TMEM63A: variants seen among roughly 807,000 people sequenced by gnomAD.
TMEM63A encodes transmembrane protein 63A, also known as mechanosensitive cation channel TMEM63A.
A neutral mutation model predicts 100.6 loss-of-function variants in TMEM63A; 76 were observed. That is an observed-to-expected ratio of 0.76 (90% CI 0.63 to 0.91). The LOEUF (loss-of-function observed/expected upper bound fraction) is 0.91, where lower values mean the gene tolerates loss of function less well. Among genes scored for constraint, TMEM63A ranks in the 40% least tolerant of loss-of-function variants. The pLI is 0.00. For missense variants in TMEM63A, 876 were observed against 1,008.8 expected (o/e 0.87, Z 1.78); for synonymous variants, 401 against 401.1 (o/e 1.00, Z 0.00).
Position 225,882,359 on chromosome 1 carries a change from T to C in TMEM63A, c.-261A>G, listed in dbSNP as rs1452792888. 2 of 152,490 alleles carry C rather than the reference T, an allele frequency of 1.3e-5. No individual in the cohort carries two copies. The highest frequency in any genetic ancestry group is 2.4e-5 in the African/African-American group (1 of 41,468). The allele number at this position is 152,490 out of a possible 1,614,324, so 9.4% of individuals were successfully genotyped here. A position where few individuals can be genotyped will look rare whatever the true frequency, so the allele number is the denominator to read the frequency against. On this transcript the variant is annotated 5_prime_UTR_variant, in exon 1 of 25. Coordinates refer to ENST00000366835, the MANE Select transcript of TMEM63A (RefSeq NM_014698.3). The stretch of plus-strand genomic sequence containing the variant: ...GCAGCGCGGGGCGTGTTCCGACCAC[T>C]TAAAAGTTACAAAGTGAAACTCCGG...
At chr1:225,847,359 G>A (rs1669066449) in intron 23 of TMEM63A, 146 bp from the exon 24 acceptor site, 6 of 1,014,436 alleles carry the variant, frequency 5.9e-6, no homozygotes, top group Non-Finnish European at 8.4e-6. Flanking sequence ...AGGACATTAA[G>A]ACCGAAAATA....
At position 225,849,948 on chromosome 1, in the gene TMEM63A, G is replaced by A; in HGVS notation, c.2035C>T (p.Leu679Phe). ...AAGGAAAAGAAGTAGAGCCAGAAGA[G>A]GCACAGGATGGGGGCTGCCAAGGCC... ...NQALAAPILC[L>F]FWLYFFSFLR... Residue 679 changes from leucine to phenylalanine, a missense_variant, in exon 21 of 25, where the codon CTC (leucine) becomes TTC (phenylalanine). Physicochemically the swap from Leu to Phe is conservative, Grantham distance 22 (BLOSUM62 0). Transcript: ENST00000366835. 1 of 1,614,224 alleles carries A rather than the reference G, an allele frequency of 6.2e-7. No individual in the cohort carries two copies. The highest frequency in any genetic ancestry group is 2.2e-5 in the East Asian group (1 of 44,892).
At position 225,865,509 on chromosome 1, in the gene TMEM63A, C is replaced by G. The variant is rs906557197; in HGVS notation, c.746+388G>C. ...CCGAGGTCCTTCCACCTGTGAGACC[C>G]TAGCCCTGTGGGTCCATACAAATGC... On this transcript the variant is annotated intron_variant, in intron 10 of 24. Transcript: ENST00000366835. This position sits in a 1 kb window ranked among gnomAD's most constrained non-coding sequence, Gnocchi z 4.6. The G allele has an allele frequency of 5.6e-6, 1 of 178,322 alleles. No homozygotes were observed. Among genetic ancestry groups the G allele is most frequent in the Middle Eastern group, 2.8e-3 (1 of 352 alleles). The allele number at this position is 178,322 out of a possible 1,614,324, so 11.0% of individuals were successfully genotyped here.
chr1:225,877,754 C>A (rs1384875579), intron 2 of TMEM63A, 160 bp from the exon 3 acceptor site: 9 of 626,110 alleles, frequency 1.4e-5, no homozygotes, highest in Admixed American at 6.1e-5. Context: ...TGGACCTCTG[C>A]GTGCCTGGCA....
At chr1:225,852,520 C>A (rs1410432442) in intron 20 of TMEM63A, 144 bp downstream of exon 20, 5 of 700,242 alleles carry the variant, frequency 7.1e-6, no homozygotes, top group African/African-American at 5.3e-5. Context: ...TCTGGTGTCA[C>A]GTGAGTCTTT....
rs1463465567 is a variant in TMEM63A at position 225,867,044 on chromosome 1, C to G, written c.566+68G>C. The G allele has an allele frequency of 1.9e-6, 3 of 1,565,006 alleles. No homozygotes were observed. The highest frequency in any genetic ancestry group is 1.7e-5 in the Admixed American group (1 of 59,934). On this transcript the variant is annotated intron_variant, in intron 8 of 24. Transcript: ENST00000366835. The surrounding 1 kb of genome is among the most constrained non-coding windows in gnomAD (Gnocchi z 4.6). ...CCTTTGGAGTACCTCTGGCCTGCCCCGGGCTCCTGACCTGCCTTCTCCTTG... is the reference window on the plus strand; with the variant it reads ...CCTTTGGAGTACCTCTGGCCTGCCCGGGGCTCCTGACCTGCCTTCTCCTTG...
chr1:225,859,639 TTC>T (rs1669834176), intron 14 of TMEM63A: 2 of 390,008 alleles, frequency 5.1e-6, no homozygotes, highest in South Asian at 6.5e-5. Flanking sequence ...CATTTATTTT[TTC>T]TTTTTCTGTT....
rs543998533 is a variant in TMEM63A at position 225,849,983 on chromosome 1, G to A, written c.2000C>T (p.Ala667Val). ...GGGGGCTGCCAAGGCCTGGTTCACA[G>A]CGGCAAAGTGGATCCCCTTCTCCAG... ...AKLEKGIHFA[A>V]VNQALAAPIL... Residue 667 changes from alanine (A) to valine (V), a missense_variant, in exon 21 of 25, where the codon GCT (alanine) becomes GTT (valine). Coordinates refer to ENST00000366835, the MANE Select transcript of TMEM63A (RefSeq NM_014698.3). 6 of 1,614,254 alleles carry A rather than the reference G, an allele frequency of 3.7e-6. No homozygotes were observed. The African/African-American group carries it at 4.0e-5, about 11-fold the overall frequency.
Position 225,853,511 on chromosome 1 carries a change from G to A in TMEM63A, c.1797+118C>T, listed in dbSNP as rs1669456156. 4 of 1,091,840 alleles carry A rather than the reference G, an allele frequency of 3.7e-6. No homozygotes were observed. The highest frequency in any genetic ancestry group is 1.8e-5 in the South Asian group (1 of 54,382). The allele number at this position is 1,091,840 out of a possible 1,614,324, so 67.6% of individuals were successfully genotyped here. A position where few individuals can be genotyped will look rare whatever the true frequency, so the allele number is the denominator to read the frequency against. On this transcript the variant is annotated intron_variant, in intron 19 of 24. Transcript: ENST00000366835. The surrounding 1 kb of genome is among the most constrained non-coding windows in gnomAD (Gnocchi z 4.0). Reference sequence around the variant, plus strand: ...CACTTAGCCCAGTGCCTGCACTAGTGGGTAGTCAGGTAAATGCTACCCACT... The same window carrying A: ...CACTTAGCCCAGTGCCTGCACTAGTAGGTAGTCAGGTAAATGCTACCCACT...
chr1:225,855,731 G>A (rs911669347), intron 18 of TMEM63A, 147 bp downstream of exon 18: 8 of 728,270 alleles, frequency 1.1e-5, no homozygotes, highest in Admixed American at 9.7e-5. Flanking sequence ...GGGTGGAGGT[G>A]AGGCCCCAAG....
intron 23 of TMEM63A, chr1:225,847,468 A>G (rs770316970): frequency 2.8e-5 from 12 of 423,616 alleles, no homozygotes; most frequent in Non-Finnish European, 3.8e-5. Context: ...CAGTTCTCAG[A>G]GGAAACTAAA....
chr1:225,856,327 G>GTTT (rs71574544), intron 17 of TMEM63A, among the ~76,000 whole-genome samples: 6,443 of 107,896 alleles, frequency 0.06, 718 homozygotes, highest in African/African-American at 0.2. Flanking sequence ...TTTCAAGCTG[G>GTTT]TTTTTTTTTT....
rs370774544 is a variant in TMEM63A at position 225,877,544 on chromosome 1, T to G, written c.37A>C (p.Lys13Gln). ...DSPFLELWQS[K>Q]AVSIREQLGL... The stretch of plus-strand genomic sequence containing the variant: ...AGCTGCTCCCTGATGGACACTGCCT[T>G]GGACTGCCACAGCTCCAGGAACGGG... The change falls in exon 3 of 25, where the codon AAG becomes CAG. Residue 13 changes from lysine to glutamine, a missense_variant. Lys to Gln is a moderately conservative substitution (Grantham distance 53). Transcript: ENST00000366835. 6.2e-7 allele frequency: 1 copy of G among 1,614,114 alleles called. No individual in the cohort carries two copies. The highest frequency in any genetic ancestry group is 1.7e-5 in the Admixed American group (1 of 60,018).
Position 225,871,111 on chromosome 1 carries a change from T to C in TMEM63A, c.336A>G (p.Gly112=). The stretch of plus-strand genomic sequence containing the variant: ...AGATGGCAGTCAGCCAGGGACAGCA[T>C]CCCTGGAAACGGAGAGAACAGGGAT... ...SGQQDFENEL[G]CCPWLTAIFR... is the part of the protein sequence containing the mutation. Residue 112 remains glycine (G), a splice_region_variant and synonymous_variant, in exon 6 of 25, where the codon GGA becomes GGG. Coordinates refer to ENST00000366835, the MANE Select transcript of TMEM63A (RefSeq NM_014698.3). 6.2e-7 allele frequency: 1 copy of C among 1,613,894 alleles called. No homozygotes were observed. The highest frequency in any genetic ancestry group is 8.5e-7 in the Non-Finnish European group (1 of 1,179,828).
chr1:225,866,001 C>A (rs1415730155), intron 9 of TMEM63A, 34 bp from the exon 10 acceptor site: 1 of 1,608,534 alleles, frequency 6.2e-7, no homozygotes, highest in Admixed American at 1.7e-5. Flanking sequence ...GAGAAGTCAC[C>A]CACAAGCCAG....
At chr1:225,842,362 C>A, downstream of TMEM63A, 1 of 1,606,900 alleles carries the variant, frequency 6.2e-7, no homozygotes, top group South Asian at 1.1e-5. Context: ...CCGCTCCCCG[C>A]CAGGCTCTGC....
intron 17 of TMEM63A, 51 bp from the exon 18 acceptor site, chr1:225,855,991 TCACTA>T (rs781031996): frequency 3.2e-6 from 5 of 1,573,058 alleles, no homozygotes; most frequent in Non-Finnish European, 1.7e-6. Context: ...TTCCATATTG[TCACTA>T]CACATGCTTT....
intron 9 of TMEM63A, chr1:225,866,359 G>A (rs1308790984): frequency 5.4e-6 from 3 of 552,928 alleles, no homozygotes; most frequent in African/African-American, 3.8e-5. Context: ...TCTTTACTTA[G>A]CACCAGTAAC....
intron 19 of TMEM63A, 68 bp from the exon 20 acceptor site, chr1:225,852,837 A>C: frequency 7.0e-7 from 1 of 1,423,364 alleles, no homozygotes; most frequent in East Asian, 2.3e-5. Flanking sequence ...GTGCTCTCTA[A>C]GTGGTGATGG....
Sources: allele counts gnomAD v4.1 joint callset (sites outside exome capture counted in the v4.1 genomes callset), GRCh38; gene constraint gnomAD v4.1.1; non-coding constraint Gnocchi (gnomAD v3.1); transcripts MANE v1.5; gene names NCBI Gene and HGNC (gene_info 2026-07-23, HGNC 2026-07-21).